The following C8B variants were observed in gnomAD, a reference collection of about 807,000 sequenced individuals.
The protein encoded by C8B is complement C8 beta chain.
A neutral mutation model predicts 64.6 loss-of-function variants in C8B; 67 were observed. The observed-to-expected ratio is 1.04, with a 90% confidence interval of 0.85 to 1.27. C8B has a LOEUF of 1.27. Ranked by LOEUF, C8B falls within the 50% of genes most tolerant of loss-of-function variation. The pLI, the probability that C8B is intolerant of heterozygous loss-of-function variation, is 0.00. For missense variants in C8B, 790 were observed against 725.2 expected, an observed-to-expected ratio of 1.09 and a Z score of -1.03; for synonymous variants, 284 against 257.7, an observed-to-expected ratio of 1.10 and a Z score of -0.98.
intron 2 of C8B, 120 bp from the exon 3 acceptor site, chr1:56,957,030 C>T: frequency 9.9e-7 from 1 of 1,009,686 alleles, no homozygotes; most frequent in South Asian, 1.3e-5. Context: ...ACTGAAATGT[C>T]TGATCATCAT....
chr1:56,932,516 C>T (rs1289172484), intron 10 of C8B, among the ~76,000 whole-genome samples: 2 of 152,190 alleles, frequency 1.3e-5, no homozygotes, highest in Admixed American at 1.3e-4. Flanking sequence ...GAGAGTTCAG[C>T]AACCCTAGAT....
At chr1:56,961,528 A>G (rs547325357) in intron 1 of C8B, among the ~76,000 whole-genome samples, 4 of 152,264 alleles carry the variant, frequency 2.6e-5, no homozygotes, top group South Asian at 2.1e-4. Context: ...TAGAGTATAT[A>G]CGGGTTTTGT....
Position 56,965,919 on chromosome 1 carries a change from C to T in C8B, c.30G>A (p.Arg10=). 1 of 1,614,022 alleles carries T rather than the reference C, an allele frequency of 6.2e-7. No homozygotes were observed. Among genetic ancestry groups the T allele is most frequent in the Non-Finnish European group, 8.5e-7 (1 of 1,180,008 alleles). Residue 10 remains arginine (R), a synonymous_variant, in exon 1 of 12, where the codon AGG becomes AGA. Transcript: ENST00000371237. ...AGAGAAGAAATAGCTCCACCGGCGCCCTCCAAGCCCATGTCCTGGAATTCT... is the reference window on the plus strand; with the variant it reads ...AGAGAAGAAATAGCTCCACCGGCGCTCTCCAAGCCCATGTCCTGGAATTCT... The part of the protein sequence containing the change: MKNSRTWAW[R]APVELFLLCA...
intron 6 of C8B, among the ~76,000 whole-genome samples, chr1:56,947,775 C>CA (rs57240736): frequency 0.08 from 12,128 of 151,884 alleles, 690 homozygotes; most frequent in African/African-American, 0.16. Flanking sequence ...ACTAAAAATA[C>CA]AAAAAATTAG....
intron 7 of C8B, among the ~76,000 whole-genome samples, chr1:56,944,037 C>A (rs532020011): frequency 6.6e-6 from 1 of 152,232 alleles, no homozygotes; most frequent in African/African-American, 2.4e-5. Context: ...CTTTCAGCCT[C>A]CCCGCAACGC....
intron 5 of C8B, among the ~76,000 whole-genome samples, chr1:56,950,801 G>T (rs1306403170): frequency 6.6e-6 from 1 of 152,190 alleles, no homozygotes; most frequent in Non-Finnish European, 1.5e-5. Context: ...GCTTATACTG[G>T]TAAGTCATAG....
At position 56,929,307 on chromosome 1, in the gene C8B, C is replaced by CATG; in HGVS notation, c.*94_*96dup. 1 of 1,315,316 alleles carries CATG rather than the reference C, an allele frequency of 7.6e-7. No individual in the cohort carries two copies. Among genetic ancestry groups the CATG allele is most frequent in the East Asian group, 2.3e-5 (1 of 43,500 alleles). The allele number at this position is 1,315,316 out of a possible 1,614,324, so 81.5% of individuals were successfully genotyped here. A position where few individuals can be genotyped will look rare whatever the true frequency, so the allele number is the denominator to read the frequency against. On this transcript the variant is annotated 3_prime_UTR_variant, in exon 12 of 12. Transcript: ENST00000371237. The stretch of plus-strand genomic sequence containing the variant: ...TGCATGGCACTGCCTTTTGCCCTTG[C>CATG]ATGAACTCCAGGTGGAAACTGGTGT...
intron 2 of C8B, among the ~76,000 whole-genome samples, chr1:56,958,326 A>C (rs766462057): frequency 2.0e-5 from 3 of 152,208 alleles, no homozygotes; most frequent in African/African-American, 7.2e-5. Flanking sequence ...GCAGGATGAC[A>C]TTAATAAGGC....
At chr1:56,941,389 G>A (rs1333336764) in intron 8 of C8B, among the ~76,000 whole-genome samples, 1 of 152,116 alleles carries the variant, frequency 6.6e-6, no homozygotes, top group Non-Finnish European at 1.5e-5. Context: ...AGAGTAGATA[G>A]GAAGATAGAT....
chr1:56,949,907 A>T (rs1644996358), intron 5 of C8B, among the ~76,000 whole-genome samples, 155 bp from the exon 6 acceptor site: 1 of 152,162 alleles, frequency 6.6e-6, no homozygotes, highest in South Asian at 2.1e-4. Flanking sequence ...TCCCCACCTC[A>T]GGGCTCTTGG....
intron 4 of C8B, 74 bp from the exon 5 acceptor site, chr1:56,952,254 G>T: frequency 1.3e-6 from 2 of 1,598,400 alleles, no homozygotes; most frequent in East Asian, 2.2e-5. Flanking sequence ...AGACCCTACT[G>T]AACGAAAACA....
intron 6 of C8B, 131 bp from the exon 7 acceptor site, chr1:56,946,192 T>C (rs1644940138): frequency 5.8e-6 from 6 of 1,034,110 alleles, no homozygotes; most frequent in South Asian, 5.4e-5. Flanking sequence ...TTTAGGATAC[T>C]TGAGGGAAGA....
intron 2 of C8B, 55 bp from the exon 3 acceptor site, chr1:56,956,965 T>C: frequency 6.2e-7 from 1 of 1,602,198 alleles, no homozygotes; most frequent in Non-Finnish European, 8.5e-7. Context: ...TCTCAGGAGC[T>C]GAGGGATACT....
intron 2 of C8B, 115 bp from the exon 3 acceptor site, chr1:56,957,025 A>G: frequency 9.3e-7 from 1 of 1,070,528 alleles, no homozygotes; most frequent in South Asian, 1.3e-5. Context: ...AGAGCACTGA[A>G]ATGTCTGATC....
At chr1:56,964,834 G>A (rs1446974526) in intron 1 of C8B, among the ~76,000 whole-genome samples, 2 of 152,186 alleles carry the variant, frequency 1.3e-5, no homozygotes, top group Non-Finnish European at 2.9e-5. Context: ...CCATTCCGGA[G>A]ACATTTTCTT....
Position 56,965,398 on chromosome 1 carries a change from A to AGAGAGTGTGTGTGTGTGTGT in C8B, c.92+458_92+459insACACACACACACACACTCTC, listed in dbSNP as rs1553120321. Among the ~76,000 whole-genome samples, 28 of 142,676 alleles carry AGAGAGTGTGTGTGTGTGTGT rather than the reference A, an allele frequency of 2.0e-4. No individual in the cohort carries two copies. In the East Asian group the frequency reaches 2.5e-3, roughly 13 times the overall value. 93.6% of individuals were successfully genotyped at this position (142,676 alleles called of 152,430 possible). On this transcript the variant is annotated intron_variant, in intron 1 of 11. Coordinates refer to ENST00000371237, the MANE Select transcript of C8B (RefSeq NM_000066.4). ...GGGGGTGAGAGAGAGAGAGAGAGAG[A>AGAGAGTGTGTGTGTGTGTGT]GTGTGTGTGTGTGTGTGTGTGTGTG...
chr1:56,965,881 C>G lies in C8B; in HGVS notation c.68G>C (p.Gly23Ala), dbSNP rs781252180. The G allele has an allele frequency of 1.2e-6, 2 of 1,613,958 alleles. No individual in the cohort carries two copies. The highest frequency in any genetic ancestry group is 2.7e-5 in the African/African-American group (2 of 74,872). ...VELFLLCAAL[G>A]CLSLPGSRGE... ...CCTGGAGCCAGGCAAACTGAGACAGCCCAGGGCAGCACAGAGAAGAAATAG... is the reference window on the plus strand; with the variant it reads ...CCTGGAGCCAGGCAAACTGAGACAGGCCAGGGCAGCACAGAGAAGAAATAG... The change falls in exon 1 of 12, where the codon GGC becomes GCC. Residue 23 changes from glycine to alanine, a missense_variant. Coordinates refer to ENST00000371237, the MANE Select transcript of C8B (RefSeq NM_000066.4).
At chr1:56,949,305 A>G (rs983846158) in intron 6 of C8B, among the ~76,000 whole-genome samples, 6 of 152,132 alleles carry the variant, frequency 3.9e-5, no homozygotes, top group African/African-American at 1.4e-4. Flanking sequence ...TAAAAGAATG[A>G]AGTTCAGCCC....
At chr1:56,938,233 C>G (rs986274352) in intron 9 of C8B, among the ~76,000 whole-genome samples, 1 of 152,166 alleles carries the variant, frequency 6.6e-6, no homozygotes, top group African/African-American at 2.4e-5. Flanking sequence ...TTTAATCTCC[C>G]TGTCTCTTGC....
Sources: allele counts gnomAD v4.1 joint callset (sites outside exome capture counted in the v4.1 genomes callset), GRCh38; gene constraint gnomAD v4.1.1; transcripts MANE v1.5; gene names NCBI Gene and HGNC (gene_info 2026-07-23, HGNC 2026-07-21).